NBEAL1: variants seen among roughly 807,000 people sequenced by gnomAD.
NBEAL1 encodes neurobeachin-like protein 1.
NBEAL1 carries 273 observed loss-of-function variants against 351.3 expected under a neutral mutation model. The ratio of observed to expected loss-of-function variants is 0.78; its 90% CI spans 0.70 to 0.86. The LOEUF is 0.86. Ranked by LOEUF, NBEAL1 falls within the 40% of genes least tolerant of loss-of-function variation. The probability of loss-of-function intolerance (pLI) is 0.00; values close to 1 mark genes in which losing one functional copy is unlikely to be tolerated. For missense variants in NBEAL1, 2,961 were observed against 3,201.3 expected (o/e 0.92, Z 1.81); for synonymous variants, 1,050 against 1,086.4 (o/e 0.97, Z 0.66).
At chr2:203,155,874 G>T (rs756433256) in intron 35 of NBEAL1, among the ~76,000 whole-genome samples, 1 of 151,980 alleles carries the variant, frequency 6.6e-6, no homozygotes, top group African/African-American at 2.4e-5. Flanking sequence ...TCCATTCCTA[G>T]AATCTTGCCT....
intron 4 of NBEAL1, among the ~76,000 whole-genome samples, chr2:203,055,588 G>A (rs796594540): frequency 1.6e-4 from 23 of 148,128 alleles, no homozygotes; most frequent in African/African-American, 5.5e-4. Context: ...CTGGGCAACC[G>A]AGCAAGATCC....
Position 203,221,889 on chromosome 2 carries a change from T to TG in NBEAL1, c.*4535_*4536insG, listed in dbSNP as rs2065957779. On this transcript the variant is annotated 3_prime_UTR_variant, in exon 56 of 56. Transcript: ENST00000683969. Reference sequence around the variant, plus strand: ...TTTAAAATGTGGACCACAGCCTGCCTTCTTTAGTTTAAATCTAGGCCAAGC... The same window carrying TG: ...TTTAAAATGTGGACCACAGCCTGCCTGTCTTTAGTTTAAATCTAGGCCAAGC... Among the ~76,000 whole-genome samples the TG allele has an allele frequency of 6.6e-6, 1 of 152,210 alleles. No individual in the cohort carries two copies. Among genetic ancestry groups the TG allele is most frequent in the Non-Finnish European group, 1.5e-5 (1 of 68,034 alleles).
At chr2:203,142,541 T>C (rs1317674200) in intron 31 of NBEAL1, among the ~76,000 whole-genome samples, 1 of 152,194 alleles carries the variant, frequency 6.6e-6, no homozygotes, top group Non-Finnish European at 1.5e-5. Context: ...TATATGTATG[T>C]AATATGTCAG....
intron 18 of NBEAL1, among the ~76,000 whole-genome samples, chr2:203,117,554 A>G (rs1385673312): frequency 6.6e-6 from 1 of 152,224 alleles, no homozygotes; most frequent in Non-Finnish European, 1.5e-5. Flanking sequence ...TATTTTTGCT[A>G]CTTCTTTTCT....
intron 2 of NBEAL1, among the ~76,000 whole-genome samples, chr2:203,035,586 TG>T (rs1307731533): frequency 1.3e-5 from 2 of 149,282 alleles, no homozygotes; most frequent in Non-Finnish European, 3.0e-5. Flanking sequence ...ATTTGCTAAA[TG>T]GAAGGCACTG....
At chr2:203,168,157 G>A (rs1385165480) in intron 38 of NBEAL1, among the ~76,000 whole-genome samples, 1 of 152,196 alleles carries the variant, frequency 6.6e-6, no homozygotes, top group Non-Finnish European at 1.5e-5. Context: ...TACAAAGCAT[G>A]TGTTTTATGG....
intron 3 of NBEAL1, among the ~76,000 whole-genome samples, chr2:203,047,081 A>G (rs1048034279): frequency 6.6e-6 from 1 of 152,178 alleles, no homozygotes; most frequent in Admixed American, 6.5e-5. Flanking sequence ...TCTACTAAAA[A>G]TACAAAATTA....
At chr2:203,074,054 T>C (rs1320568067) in intron 7 of NBEAL1, among the ~76,000 whole-genome samples, 3 of 152,184 alleles carry the variant, frequency 2.0e-5, no homozygotes, top group African/African-American at 7.2e-5. Context: ...TTAGTAACAA[T>C]GCATTGCATA....
intron 51 of NBEAL1, among the ~76,000 whole-genome samples, chr2:203,206,443 C>A (rs1205185916): frequency 6.6e-6 from 1 of 152,222 alleles, no homozygotes; most frequent in African/African-American, 2.4e-5. Context: ...TCCCCTCTTT[C>A]CACCGTCTTC....
At position 203,166,269 on chromosome 2, in the gene NBEAL1, C is replaced by T. The variant is rs377637308; in HGVS notation, c.5835C>T (p.Phe1945=). The change falls in exon 37 of 56, where the codon TTC becomes TTT. Residue 1945 remains phenylalanine, a synonymous_variant. Coordinates refer to ENST00000683969, the MANE Select transcript of NBEAL1 (RefSeq NM_001378026.1). The part of the protein sequence containing the change: ...RLEITTQHIY[F]YDGSIEKEDG... ...AAATCACTACTCAACACATTTACTT[C>T]TATGATGGCAGCATTGAAAAAGAAG... 1 of 1,605,834 alleles carries T rather than the reference C, an allele frequency of 6.2e-7. No individual in the cohort carries two copies.
At chr2:203,148,168 A>G (rs754503449) in intron 33 of NBEAL1, among the ~76,000 whole-genome samples, 6 of 152,004 alleles carry the variant, frequency 3.9e-5, no homozygotes, top group Non-Finnish European at 7.4e-5. Flanking sequence ...AGAACTTGCT[A>G]TTTTTCTAGC....
At chr2:203,190,271 G>A in intron 45 of NBEAL1, 21 bp from the exon 46 acceptor site, 2 of 1,570,472 alleles carry the variant, frequency 1.3e-6, no homozygotes, top group Non-Finnish European at 1.7e-6. Context: ...TCTATAGTAA[G>A]TTGACTTCTT....
In NBEAL1 at chr2:203,210,958, G is replaced by A. The variant is rs2065771551; in HGVS notation, c.7786G>A (p.Asp2596Asn). The change falls in exon 54 of 56, where the codon GAT (aspartate) becomes AAT (asparagine). Residue 2596 changes from aspartate (D) to asparagine (N), a missense_variant and splice_region_variant. Transcript: ENST00000683969. The part of the protein sequence containing the change: ...SSTEEKTTLK[D>N]KNALHLFSIN... ...TTGAATTTTCCTTAATTCTTTTCAG[G>A]ATAAGAATGCATTACATCTGTTTTC... 5 of 1,559,462 alleles carry A rather than the reference G, an allele frequency of 3.2e-6. No homozygotes were observed. Among genetic ancestry groups the A allele is most frequent in the Non-Finnish European group, 3.5e-6 (4 of 1,152,110 alleles).
At chr2:203,210,899 G>C in intron 53 of NBEAL1, 59 bp from the exon 54 acceptor site, 1 of 1,010,570 alleles carries the variant, frequency 9.9e-7, no homozygotes, top group Non-Finnish European at 1.4e-6. Context: ...AGTTTTAACT[G>C]GTTATATAAA....
chr2:203,130,303 G>T lies in NBEAL1; in HGVS notation c.3406-15G>T. 1 of 1,521,492 alleles carries T rather than the reference G, an allele frequency of 6.6e-7. No homozygotes were observed. Among genetic ancestry groups the T allele is most frequent in the Non-Finnish European group, 8.8e-7 (1 of 1,136,744 alleles). The allele number at this position is 1,521,492 out of a possible 1,614,324, so 94.2% of individuals were successfully genotyped here. On this transcript the variant is annotated splice_polypyrimidine_tract_variant and intron_variant, in intron 24 of 55. Transcript: ENST00000683969. ...TGAATGTGGTGGTTTGTTTTGTGTT[G>T]TTTAATTTTAAAAGCTCTTTGGAAT...
chr2:203,110,716 T>TAAATAG (rs1387132496), intron 15 of NBEAL1, among the ~76,000 whole-genome samples: 4 of 73,692 alleles, frequency 5.4e-5, no homozygotes, highest in Admixed American at 1.4e-4. Context: ...TAAATAAATA[T>TAAATAG]ATAGAACGTT....
chr2:203,222,875 C>T lies in NBEAL1; in HGVS notation c.*5521C>T, dbSNP rs2065966437. ...GGTACAGCCTCTGTATGGAAATAAT[C>T]TTTAATTTTTTATAGGTATAACAGA... On this transcript the variant is annotated 3_prime_UTR_variant, in exon 56 of 56. Coordinates refer to ENST00000683969, the MANE Select transcript of NBEAL1 (RefSeq NM_001378026.1). Among the ~76,000 whole-genome samples the T allele has an allele frequency of 6.6e-6, 1 of 152,098 alleles. No homozygotes were observed. The highest frequency in any genetic ancestry group is 2.4e-5 in the African/African-American group (1 of 41,410).
intron 6 of NBEAL1, among the ~76,000 whole-genome samples, chr2:203,066,289 A>G (rs7593917): frequency 0.43 from 64,547 of 151,494 alleles, 16,139 homozygotes; most frequent in Middle Eastern, 0.66. Context: ...AATCTCGTGG[A>G]AAAACCTAAC....
intron 10 of NBEAL1, among the ~76,000 whole-genome samples, chr2:203,087,162 C>G (rs183409787): frequency 7.1e-6 from 1 of 140,296 alleles, no homozygotes; most frequent in African/African-American, 2.7e-5. Flanking sequence ...GGCGCAGTCT[C>G]TGCTCACTGA....
Sources: gnomAD v4.1 joint callset for allele counts (sites outside exome capture counted in the v4.1 genomes callset) on GRCh38, gnomAD v4.1.1 for gene constraint, MANE v1.5 for transcripts, NCBI Gene and HGNC (gene_info 2026-07-23, HGNC 2026-07-21) for gene names.